WWC1: variants seen among roughly 807,000 people sequenced by gnomAD.
WWC1 encodes WW and C2 domain containing 1.
Under a neutral mutation model 138.4 loss-of-function variants are expected in WWC1, and 55 were observed. The ratio of observed to expected loss-of-function variants is 0.40; its 90% confidence interval spans 0.32 to 0.50. The LOEUF (loss-of-function observed/expected upper bound fraction) is 0.50. WWC1 is among the 20% of genes least tolerant of loss of function. WWC1 has a pLI of 0.72. For synonymous variants in WWC1, 524 were observed against 564.9 expected, an observed-to-expected ratio of 0.93 and a Z score of 1.03; for missense variants, 1,226 against 1,420.4, an observed-to-expected ratio of 0.86 and a Z score of 2.20.
chr5:168,431,542 A>C, intron 15 of WWC1, 98 bp downstream of exon 15: 2 of 1,345,368 alleles, frequency 1.5e-6, no homozygotes, highest in East Asian at 5.0e-5. Context: ...GTCTACCCTG[A>C]GCTTCAGGAA....
intron 2 of WWC1, among the ~76,000 whole-genome samples, chr5:168,372,180 T>A (rs975348692): frequency 2.0e-5 from 3 of 152,016 alleles, no homozygotes; most frequent in Non-Finnish European, 4.4e-5. Flanking sequence ...CTAGTACCTC[T>A]GTCTCTGGGA....
At chr5:168,393,169 CCAGATAGAA>C (rs1220796531) in intron 3 of WWC1, among the ~76,000 whole-genome samples, 2 of 151,932 alleles carry the variant, frequency 1.3e-5, no homozygotes, top group Non-Finnish European at 2.9e-5. Flanking sequence ...AAAATATGTT[CCAGATAGAA>C]CAGAGGAAAC....
chr5:168,319,873 G>A (rs112692588), intron 1 of WWC1, among the ~76,000 whole-genome samples: 39 of 152,252 alleles, frequency 2.6e-4, no homozygotes, highest in African/African-American at 8.9e-4. Flanking sequence ...CACTAGCAGT[G>A]CAGAAGGGTT....
chr5:168,318,049 A>AT, intron 1 of WWC1, among the ~76,000 whole-genome samples: 1 of 152,000 alleles, frequency 6.6e-6, no homozygotes, highest in East Asian at 1.9e-4. Context: ...GCTCTCTTTG[A>AT]TAAAGTATGA....
chr5:168,450,668 AAAAAT>A (rs1035329436), intron 17 of WWC1, among the ~76,000 whole-genome samples: 3 of 152,192 alleles, frequency 2.0e-5, no homozygotes, highest in African/African-American at 7.2e-5. Context: ...TCCATCTCAA[AAAAAT>A]AAAATAAAAT....
intron 1 of WWC1, among the ~76,000 whole-genome samples, chr5:168,350,322 G>T (rs1334803085): frequency 2.0e-5 from 3 of 152,250 alleles, no homozygotes; most frequent in Non-Finnish European, 2.9e-5. Context: ...GTGCAGGAAT[G>T]ATTTAAAATC....
At chr5:168,431,138 T>C in intron 14 of WWC1, 114 bp from the exon 15 acceptor site, 1 of 954,322 alleles carries the variant, frequency 1.0e-6, no homozygotes, top group Non-Finnish European at 1.6e-6. Flanking sequence ...TCCTCACTTC[T>C]ACAAACTCTC....
At chr5:168,328,967 C>T (rs1386412014) in intron 1 of WWC1, among the ~76,000 whole-genome samples, 1 of 152,228 alleles carries the variant, frequency 6.6e-6, no homozygotes, top group Non-Finnish European at 1.5e-5. Context: ...GGCTCCACCC[C>T]TCATCCACCT....
At chr5:168,408,013 C>A (rs1278589879) in intron 6 of WWC1, among the ~76,000 whole-genome samples, 1 of 150,580 alleles carries the variant, frequency 6.6e-6, no homozygotes, top group African/African-American at 2.4e-5. Flanking sequence ...CAGACATGCA[C>A]CGCCACATCC....
rs10595228 is a variant in WWC1, at chr5:168,372,053, TTGTGTGTGTGTGTGTGTGTGTGTG to T, written c.229+538_229+561del. ...AGAGAGAGAGAGAGAAAGAGTGTGT[TTGTGTGTGTGTGTGTGTGTGTGTG>T]TGTGTGTGTGTGTGTGTCTGGCCCA... is the stretch of plus-strand genomic sequence containing the variant. On this transcript the variant is annotated intron_variant, in intron 2 of 22. Transcript: ENST00000265293. 1.1e-4 allele frequency among the ~76,000 whole-genome samples: 15 copies of T among 141,366 alleles called. No individual in the cohort carries two copies. The South Asian group carries it at 3.5e-3, about 33-fold the overall frequency. 92.7% of individuals were successfully genotyped at this position (141,366 alleles called of 152,430 possible). A position where few individuals can be genotyped will look rare whatever the true frequency, so the allele number is the denominator to read the frequency against.
intron 2 of WWC1, among the ~76,000 whole-genome samples, 200 bp downstream of exon 2, chr5:168,371,733 G>GT (rs1776765196): frequency 6.6e-6 from 1 of 152,070 alleles, no homozygotes; most frequent in Admixed American, 6.6e-5. Context: ...GTTTAGAAGG[G>GT]TTTTTAATAG....
At chr5:168,327,573 G>T (rs563861377) in intron 1 of WWC1, among the ~76,000 whole-genome samples, 1 of 152,352 alleles carries the variant, frequency 6.6e-6, no homozygotes, top group Admixed American at 6.5e-5. Flanking sequence ...CAGCACCGGG[G>T]TGTTCCTCTG....
intron 1 of WWC1, among the ~76,000 whole-genome samples, chr5:168,325,730 T>C (rs1772475166): frequency 6.6e-6 from 1 of 152,196 alleles, no homozygotes; most frequent in Non-Finnish European, 1.5e-5. Flanking sequence ...TTAATTATAT[T>C]GTTATTATGC....
chr5:168,406,369 C>T, intron 6 of WWC1, 42 bp downstream of exon 6: 1 of 1,608,888 alleles, frequency 6.2e-7, no homozygotes, highest in Non-Finnish European at 8.5e-7. Flanking sequence ...CTTGATTTCT[C>T]CTGAGTATTC....
At chr5:168,436,872 A>G (rs780578652) in intron 15 of WWC1, among the ~76,000 whole-genome samples, 19 of 152,008 alleles carry the variant, frequency 1.2e-4, no homozygotes, top group Non-Finnish European at 2.5e-4. Context: ...TCTTTTTTCA[A>G]CAGAGTAGCC....
At chr5:168,393,759 A>G (rs1400650982) in intron 3 of WWC1, among the ~76,000 whole-genome samples, 1 of 152,202 alleles carries the variant, frequency 6.6e-6, no homozygotes, top group South Asian at 2.1e-4. Flanking sequence ...GCTCGCTCAC[A>G]CTGAAGCAGG....
chr5:168,373,285 A>G (rs928074512), intron 2 of WWC1, among the ~76,000 whole-genome samples: 3 of 152,106 alleles, frequency 2.0e-5, no homozygotes, highest in African/African-American at 7.2e-5. Context: ...GAAAAATGGA[A>G]GAAAGTAGTA....
At chr5:168,452,470 C>T (rs1048827090) in intron 17 of WWC1, among the ~76,000 whole-genome samples, 3 of 152,166 alleles carry the variant, frequency 2.0e-5, no homozygotes, top group African/African-American at 7.2e-5. Context: ...TGTGTGAGCA[C>T]GCTGCAAGAA....
At chr5:168,385,460 A>G (rs1048819674) in intron 3 of WWC1, 46 bp downstream of exon 3, 2 of 1,586,784 alleles carry the variant, frequency 1.3e-6, no homozygotes, top group South Asian at 2.2e-5. Context: ...CCAACAGAGA[A>G]TGGCCACACT....
Sources: allele counts gnomAD v4.1 joint callset (sites outside exome capture counted in the v4.1 genomes callset), GRCh38; gene constraint gnomAD v4.1.1; transcripts MANE v1.5; gene names NCBI Gene and HGNC (gene_info 2026-07-23, HGNC 2026-07-21).